CYP19A1: variants seen among roughly 807,000 people sequenced by gnomAD.
CYP19A1 encodes the protein cytochrome P450 family 19 subfamily A member 1.
CYP19A1 carries 32 observed loss-of-function variants against 44.4 expected under a neutral mutation model. That is an observed-to-expected ratio of 0.72 (90% CI 0.54 to 0.97). CYP19A1 has a LOEUF of 0.97. Ranked by LOEUF, CYP19A1 falls within the 50% of genes least tolerant of loss-of-function variation. CYP19A1 has a pLI of 0.00. For missense variants in CYP19A1, 598 were observed against 637.8 expected (o/e 0.94, Z 0.67); for synonymous variants, 212 against 215.6 (o/e 0.98, Z 0.14).
At position 51,265,831 on chromosome 15, in the gene CYP19A1, G is replaced by A. The variant is rs540582421; in HGVS notation, c.-38-22881C>T. Among the ~76,000 whole-genome samples, 209 of 152,224 alleles carry A rather than the reference G, an allele frequency of 1.4e-3. 2 individuals carry two copies. Among genetic ancestry groups the A allele is most frequent in the Non-Finnish European group, 1.5e-3 (99 of 67,988 alleles). On this transcript the variant is annotated intron_variant, in intron 1 of 9. Coordinates refer to ENST00000396402, the MANE Select transcript of CYP19A1 (RefSeq NM_000103.4). ...CTCTCCGCTCTCCTCAGTGCCAACCGTTCCCCCACAGTTTATTATACTCTG... is the reference window on the plus strand; with the variant it reads ...CTCTCCGCTCTCCTCAGTGCCAACCATTCCCCCACAGTTTATTATACTCTG...
At chr15:51,214,915 A>C (rs759860720) in intron 8 of CYP19A1, 155 bp downstream of exon 8, 1 of 1,180,066 alleles carries the variant, frequency 8.5e-7, no homozygotes, top group African/African-American at 1.5e-5. Context: ...TTTTCCGTCT[A>C]TCTGGTGTAA....
intron 1 of CYP19A1, among the ~76,000 whole-genome samples, chr15:51,299,573 G>T (rs2036069336): frequency 6.6e-6 from 1 of 152,216 alleles, no homozygotes; most frequent in African/African-American, 2.4e-5. Context: ...CAAATTCTGT[G>T]TTTGCAGACC....
intron 1 of CYP19A1, among the ~76,000 whole-genome samples, chr15:51,255,062 T>C (rs1160220681): frequency 6.6e-6 from 1 of 152,056 alleles, no homozygotes; most frequent in Non-Finnish European, 1.5e-5. Flanking sequence ...TCCCTTAAGC[T>C]GAGTCTTAAG....
intron 1 of CYP19A1, among the ~76,000 whole-genome samples, chr15:51,298,390 G>A (rs1218478981): frequency 6.6e-6 from 1 of 152,106 alleles, no homozygotes; most frequent in Non-Finnish European, 1.5e-5. Context: ...TGTGATAATC[G>A]AAGCTCATTG....
rs559681739 is a variant in CYP19A1 at position 51,289,573 on chromosome 15, C to T, written c.-38-46623G>A. Among the ~76,000 whole-genome samples the T allele has an allele frequency of 8.5e-5, 13 of 152,304 alleles. No homozygotes were observed. The South Asian group carries it at 2.7e-3, about 32-fold the overall frequency. On this transcript the variant is annotated intron_variant, in intron 1 of 9. Transcript: ENST00000396402. ...TCCTTTGGGGCCTTCTGCAATGCTA[C>T]AATGGCAGGTGTTTGCCTGCAGCTT... is the stretch of plus-strand genomic sequence containing the variant.
At chr15:51,323,122 C>T (rs891579596) in intron 1 of CYP19A1, among the ~76,000 whole-genome samples, 5 of 152,208 alleles carry the variant, frequency 3.3e-5, no homozygotes, top group African/African-American at 1.2e-4. Flanking sequence ...TTGCAGTGGC[C>T]TCCAGGGCCA....
chr15:51,337,603 C>A (rs28757070), intron 1 of CYP19A1, among the ~76,000 whole-genome samples: 5 of 152,130 alleles, frequency 3.3e-5, no homozygotes, highest in African/African-American at 1.2e-4. Context: ...TGGGACTGGC[C>A]TAGGAAGTCA....
chr15:51,321,033 C>G (rs977533825), intron 1 of CYP19A1: 2 of 152,278 alleles, frequency 1.3e-5, no homozygotes, highest in Non-Finnish European at 2.9e-5. Context: ...CAGCTGGAAC[C>G]CAATGGGTGG....
In CYP19A1 at chr15:51,210,604, TC is replaced by T. The variant is rs1366618626; in HGVS notation, c.*203del. ...CCTCAAACTCTTGGCCTCTGCTTTT[TC>T]TCTTGTAGCCTGGTTCTCTGGTGTG... On this transcript the variant is annotated 3_prime_UTR_variant, in exon 10 of 10. Transcript: ENST00000396402. 2 of 702,578 alleles carry T rather than the reference TC, an allele frequency of 2.8e-6. No homozygotes were observed. The highest frequency in any genetic ancestry group is 2.9e-5 in the South Asian group (2 of 69,154). 43.5% of individuals were successfully genotyped at this position (702,578 alleles called of 1,614,324 possible). A position where few individuals can be genotyped will look rare whatever the true frequency, so the allele number is the denominator to read the frequency against.
intron 1 of CYP19A1, among the ~76,000 whole-genome samples, chr15:51,327,432 C>A (rs913740049): frequency 6.6e-6 from 1 of 152,124 alleles, no homozygotes; most frequent in African/African-American, 2.4e-5. Flanking sequence ...TTCTCACCCC[C>A]CAAATCATGC....
intron 1 of CYP19A1, chr15:51,279,790 C>A (rs2035451729): frequency 6.6e-6 from 1 of 152,150 alleles, no homozygotes; most frequent in African/African-American, 2.4e-5. Context: ...CTGCCTAGCA[C>A]CTGCTAGGTG....
At chr15:51,286,592 A>G (rs1453246183) in intron 1 of CYP19A1, among the ~76,000 whole-genome samples, 1 of 152,146 alleles carries the variant, frequency 6.6e-6, no homozygotes, top group Non-Finnish European at 1.5e-5. Flanking sequence ...GGTGTAAGGA[A>G]GTCTCCTTGG....
At chr15:51,335,601 A>C (rs2470165) in intron 1 of CYP19A1, among the ~76,000 whole-genome samples, 2 of 152,188 alleles carry the variant, frequency 1.3e-5, no homozygotes, top group Non-Finnish European at 2.9e-5. Context: ...AGAACTCAGC[A>C]CTTCCTTATT....
chr15:51,273,839 C>A (rs572882279), intron 1 of CYP19A1, among the ~76,000 whole-genome samples: 13 of 152,324 alleles, frequency 8.5e-5, no homozygotes, highest in African/African-American at 3.1e-4. Context: ...AACCCCATCT[C>A]TATTAAAAAT....
At chr15:51,256,180 C>A (rs1428262545) in intron 1 of CYP19A1, among the ~76,000 whole-genome samples, 1 of 152,218 alleles carries the variant, frequency 6.6e-6, no homozygotes, top group South Asian at 2.1e-4. Flanking sequence ...CTCTAGAGAG[C>A]CTGCTCTTCA....
intron 1 of CYP19A1, among the ~76,000 whole-genome samples, chr15:51,295,290 T>G (rs1459674014): frequency 6.6e-6 from 1 of 152,112 alleles, no homozygotes; most frequent in African/African-American, 2.4e-5. Context: ...ACAAGTAAAA[T>G]GTTAGCCAAG....
At chr15:51,298,625 G>A (rs2140998586) in intron 1 of CYP19A1, among the ~76,000 whole-genome samples, 1 of 150,566 alleles carries the variant, frequency 6.6e-6, no homozygotes, top group Middle Eastern at 3.4e-3. Context: ...AAATTCAAGG[G>A]ATTCCTTTTG....
rs1414519165 is a variant in CYP19A1 at position 51,208,151 on chromosome 15, C to CT, written c.*2656dup. 6.6e-6 allele frequency: 1 copy of CT among 152,212 alleles called. No individual in the cohort carries two copies. The highest frequency in any genetic ancestry group is 6.5e-5 in the Admixed American group (1 of 15,270). The allele number at this position is 152,212 out of a possible 1,614,324, so 9.4% of individuals were successfully genotyped here. A position where few individuals can be genotyped will look rare whatever the true frequency, so the allele number is the denominator to read the frequency against. On this transcript the variant is annotated 3_prime_UTR_variant, in exon 10 of 10. Transcript: ENST00000396402. ...CTGATATAGATTGAAAAGGGTCCCT[C>CT]TATCCTTCAGTGGGCCAATGGCACA...
chr15:51,330,219 C>T (rs2036678140), intron 1 of CYP19A1, among the ~76,000 whole-genome samples: 1 of 152,084 alleles, frequency 6.6e-6, no homozygotes, highest in African/African-American at 2.4e-5. Context: ...GAACATATCA[C>T]ATGGACCGAA....
Sources: allele counts gnomAD v4.1 joint callset (sites outside exome capture counted in the v4.1 genomes callset), GRCh38; gene constraint gnomAD v4.1.1; transcripts MANE v1.5; gene names NCBI Gene and HGNC (gene_info 2026-07-23, HGNC 2026-07-21).